Variants in KIAA1217 observed in about 807,000 individuals in gnomAD.
The protein encoded by KIAA1217 is KIAA1217.
A neutral mutation model predicts 163.9 loss-of-function variants in KIAA1217; 88 were observed. The observed-to-expected ratio is 0.54, with a 90% confidence interval of 0.45 to 0.64. The LOEUF (loss-of-function observed/expected upper bound fraction) is 0.64, where lower values mean the gene tolerates loss of function less well. KIAA1217 is among the 30% of genes least tolerant of loss of function. KIAA1217 has a pLI of 0.00. For synonymous variants in KIAA1217, 903 were observed against 923.1 expected (o/e 0.98, Z 0.39); for missense variants, 2,372 against 2,475.0 (o/e 0.96, Z 0.88).
intron 2 of KIAA1217, among the ~76,000 whole-genome samples, chr10:24,026,763 T>G (rs1358259258): frequency 3.3e-5 from 4 of 119,634 alleles, no homozygotes; most frequent in South Asian, 5.6e-4. Context: ...TTTTTTTTTT[T>G]GCTCTTTATT....
At chr10:23,823,846 A>T (rs1837740061) in intron 1 of KIAA1217, among the ~76,000 whole-genome samples, 1 of 152,126 alleles carries the variant, frequency 6.6e-6, no homozygotes, top group Non-Finnish European at 1.5e-5. Flanking sequence ...TTTGTTTTAA[A>T]AAGGGGTGGA....
intron 2 of KIAA1217, among the ~76,000 whole-genome samples, chr10:24,104,914 T>C (rs1166632405): frequency 6.6e-6 from 1 of 152,226 alleles, no homozygotes; most frequent in Non-Finnish European, 1.5e-5. Flanking sequence ...TTATTAAGGA[T>C]GCTCTTCATC....
intron 1 of KIAA1217, among the ~76,000 whole-genome samples, chr10:23,979,514 C>CT (rs757888324): frequency 2.6e-5 from 4 of 152,032 alleles, no homozygotes; most frequent in African/African-American, 7.2e-5. Context: ...GTATGTCATT[C>CT]TTTTTTTTCT....
At chr10:23,858,458 C>T (rs542067438) in intron 1 of KIAA1217, among the ~76,000 whole-genome samples, 7 of 151,702 alleles carry the variant, frequency 4.6e-5, no homozygotes, top group Admixed American at 1.3e-4. Flanking sequence ...TACACACAAA[C>T]ATATGTGTGT....
intron 8 of KIAA1217, among the ~76,000 whole-genome samples, chr10:24,498,347 T>C (rs1298893364): frequency 6.6e-6 from 1 of 152,122 alleles, no homozygotes; most frequent in Non-Finnish European, 1.5e-5. Context: ...AAGAAGTGGC[T>C]GACAAAGCTT....
chr10:23,800,356 C>T (rs1031390030), intron 1 of KIAA1217, among the ~76,000 whole-genome samples: 4 of 152,018 alleles, frequency 2.6e-5, no homozygotes, highest in African/African-American at 9.7e-5. Context: ...TGACAAAATA[C>T]GGAAACTAGA....
chr10:24,394,612 G>A (rs184159554), intron 3 of KIAA1217, among the ~76,000 whole-genome samples: 2 of 152,122 alleles, frequency 1.3e-5, no homozygotes, highest in African/African-American at 4.8e-5. Context: ...ACTATGTAAG[G>A]ACTGACTTTA....
chr10:23,725,394 T>C (rs999758392), intron 1 of KIAA1217, among the ~76,000 whole-genome samples: 1 of 152,224 alleles, frequency 6.6e-6, no homozygotes, highest in South Asian at 2.1e-4. Context: ...CATGATTTGA[T>C]GTTATTGTTT....
At chr10:23,761,822 G>T (rs1194049004) in intron 1 of KIAA1217, among the ~76,000 whole-genome samples, 3 of 151,696 alleles carry the variant, frequency 2.0e-5, no homozygotes, top group Non-Finnish European at 4.4e-5. Context: ...TAATTAGCTG[G>T]TGTTTTTTTT....
chr10:24,158,994 C>T (rs960391970), intron 2 of KIAA1217, among the ~76,000 whole-genome samples: 5 of 152,144 alleles, frequency 3.3e-5, no homozygotes, highest in African/African-American at 4.8e-5. Flanking sequence ...AACTAAAAAT[C>T]CCTGTAAATA....
At chr10:24,042,089 G>A (rs1848658857) in intron 2 of KIAA1217, 1 of 152,108 alleles carries the variant, frequency 6.6e-6, no homozygotes, top group Non-Finnish European at 1.5e-5. Context: ...TGGGCTACGG[G>A]GCTGCATGAT....
intron 2 of KIAA1217, among the ~76,000 whole-genome samples, chr10:24,278,651 A>G (rs770303806): frequency 6.6e-6 from 1 of 152,148 alleles, no homozygotes; most frequent in African/African-American, 2.4e-5. Context: ...AAGGAATGAA[A>G]GAGATGAGTA....
chr10:24,205,423 C>T (rs566105513), upstream of KIAA1217, among the ~76,000 whole-genome samples: 7 of 151,642 alleles, frequency 4.6e-5, no homozygotes, highest in South Asian at 2.1e-4. Context: ...TGCAGTGAGC[C>T]GAGATCGCGC....
chr10:23,827,780 C>A (rs1837970519), intron 1 of KIAA1217, among the ~76,000 whole-genome samples: 1 of 152,188 alleles, frequency 6.6e-6, no homozygotes, highest in Admixed American at 6.5e-5. Flanking sequence ...GCACGACAGC[C>A]TGAAATTGCT....
intron 2 of KIAA1217, among the ~76,000 whole-genome samples, chr10:24,368,198 G>A (rs2051055742): frequency 6.6e-6 from 1 of 152,102 alleles, no homozygotes; most frequent in Non-Finnish European, 1.5e-5. Flanking sequence ...ATGCAAAATA[G>A]AGGCATCTTT....
At chr10:24,029,614 C>T (rs1848109290) in intron 2 of KIAA1217, among the ~76,000 whole-genome samples, 1 of 152,120 alleles carries the variant, frequency 6.6e-6, no homozygotes, top group Admixed American at 6.6e-5. Flanking sequence ...ATTTCTCCCC[C>T]ATTTTAAGAA....
At chr10:23,756,451 A>T (rs1231117864) in intron 1 of KIAA1217, among the ~76,000 whole-genome samples, 2 of 152,216 alleles carry the variant, frequency 1.3e-5, no homozygotes, top group African/African-American at 4.8e-5. Context: ...TTAACTCAGA[A>T]TTAAGAACCA....
chr10:24,444,444 G>T (rs1330091962), intron 5 of KIAA1217, among the ~76,000 whole-genome samples: 1 of 152,058 alleles, frequency 6.6e-6, no homozygotes, highest in South Asian at 2.1e-4. Context: ...TTGCACATTC[G>T]CATTGTGTTA....
At chr10:23,740,909 CAG>C (rs1411973190) in intron 1 of KIAA1217, among the ~76,000 whole-genome samples, 1 of 152,054 alleles carries the variant, frequency 6.6e-6, no homozygotes, top group East Asian at 1.9e-4. Flanking sequence ...GCCTGGGGGA[CAG>C]AGCAAGACTC....
Sources: gnomAD v4.1 joint callset for allele counts (sites outside exome capture counted in the v4.1 genomes callset) on GRCh38, gnomAD v4.1.1 for gene constraint, MANE v1.5 for transcripts, NCBI Gene and HGNC (gene_info 2026-07-23, HGNC 2026-07-21) for gene names.